The following ASIC2 variants were observed in gnomAD, a reference collection of about 807,000 sequenced individuals.
ASIC2 encodes the protein acid sensing ion channel subunit 2, also known as acid-sensing ion channel 2.
In ASIC2, 25 loss-of-function variants were observed where a neutral mutation model predicts 57.3. That is an observed-to-expected ratio of 0.44 (90% CI 0.32 to 0.61). The LOEUF is 0.61. Ranked by LOEUF, ASIC2 falls within the 20% of genes least tolerant of loss-of-function variation. The probability of loss-of-function intolerance (pLI) is 0.06; values close to 1 mark genes in which losing one functional copy is unlikely to be tolerated. For missense variants in ASIC2, 641 were observed against 738.1 expected, an observed-to-expected ratio of 0.87 and a Z score of 1.52; for synonymous variants, 319 against 307.5, an observed-to-expected ratio of 1.04 and a Z score of -0.39.
chr17:33,729,375 C>T (rs1467724651), intron 1 of ASIC2, among the ~76,000 whole-genome samples: 1 of 152,266 alleles, frequency 6.6e-6, no homozygotes, highest in East Asian at 1.9e-4. Context: ...AAGTACTACC[C>T]CCATGATCCA....
At chr17:33,162,882 C>A (rs1443296741) in intron 1 of ASIC2, among the ~76,000 whole-genome samples, 1 of 152,214 alleles carries the variant, frequency 6.6e-6, no homozygotes, top group African/African-American at 2.4e-5. Context: ...CAACCTGAAG[C>A]ACACTCCTTC....
chr17:33,784,757 G>T (rs1477700380), intron 1 of ASIC2, among the ~76,000 whole-genome samples: 1 of 152,174 alleles, frequency 6.6e-6, no homozygotes, highest in African/African-American at 2.4e-5. Context: ...GTGCTCAAGA[G>T]CCACATGTAG....
At chr17:34,135,884 TA>T (rs1248499581) in intron 1 of ASIC2, among the ~76,000 whole-genome samples, 5 of 151,918 alleles carry the variant, frequency 3.3e-5, no homozygotes, top group Non-Finnish European at 7.4e-5. Flanking sequence ...ATCATTATTC[TA>T]AAAAAAATAA....
intron 3 of ASIC2, among the ~76,000 whole-genome samples, chr17:33,084,073 TGCCA>T (rs74594746): frequency 0.013 from 2,042 of 152,298 alleles, 26 homozygotes; most frequent in Non-Finnish European, 0.019. Context: ...AAGCATCCCA[TGCCA>T]GCTGGCAGAG....
intron 1 of ASIC2, among the ~76,000 whole-genome samples, chr17:33,319,621 C>T (rs1256283016): frequency 6.6e-6 from 1 of 152,176 alleles, no homozygotes; most frequent in African/African-American, 2.4e-5. Context: ...TTCACCACCT[C>T]AAGCATTTAT....
chr17:33,113,013 A>T (rs1027791061), intron 1 of ASIC2, among the ~76,000 whole-genome samples: 2 of 152,000 alleles, frequency 1.3e-5, no homozygotes, highest in African/African-American at 4.8e-5. Context: ...TGGAAGGTAG[A>T]CTCCAGGGGC....
chr17:33,724,154 A>G, intron 1 of ASIC2, among the ~76,000 whole-genome samples: 1 of 152,098 alleles, frequency 6.6e-6, no homozygotes, highest in East Asian at 1.9e-4. Flanking sequence ...CTCGGTTCTC[A>G]TTCTCTCTCT....
intron 1 of ASIC2, among the ~76,000 whole-genome samples, chr17:33,247,331 A>C (rs934835495): frequency 5.3e-5 from 8 of 152,158 alleles, no homozygotes; most frequent in Non-Finnish European, 2.9e-5. Flanking sequence ...AGTTCTTTTT[A>C]GTGTGTTTGA....
At chr17:33,861,339 T>A (rs1230108964) in intron 1 of ASIC2, among the ~76,000 whole-genome samples, 1 of 152,212 alleles carries the variant, frequency 6.6e-6, no homozygotes, top group Admixed American at 6.5e-5. Context: ...ATCACAGCTA[T>A]GGAATAATGC....
chr17:33,085,278 A>G (rs1033995153), intron 3 of ASIC2, among the ~76,000 whole-genome samples: 10 of 152,252 alleles, frequency 6.6e-5, no homozygotes, highest in Non-Finnish European at 7.3e-5. Flanking sequence ...ACCATATACT[A>G]TAAGATGCAC....
chr17:33,392,504 A>G lies in ASIC2; in HGVS notation c.556-280437T>C, dbSNP rs546906888. 6.6e-5 allele frequency among the ~76,000 whole-genome samples: 10 copies of G among 152,130 alleles called. No homozygotes were observed. In the South Asian group the frequency reaches 2.1e-3, roughly 32 times the overall value. ...GGTCACAAACTCCTGAACTCAGGCA[A>G]TCTGCCTGCTTTGGCTTCTCAAAGT... On this transcript the variant is annotated intron_variant, in intron 1 of 9. Coordinates refer to the ASIC2 transcript ENST00000359872.
chr17:34,108,079 C>T (rs941209557), intron 1 of ASIC2, among the ~76,000 whole-genome samples: 1 of 152,018 alleles, frequency 6.6e-6, no homozygotes, highest in Non-Finnish European at 1.5e-5. Flanking sequence ...ATTTGTATCT[C>T]GCTTTTTTTT....
chr17:33,669,029 G>T (rs182497051), intron 1 of ASIC2, among the ~76,000 whole-genome samples: 1 of 152,292 alleles, frequency 6.6e-6, no homozygotes, highest in Non-Finnish European at 1.5e-5. Context: ...CCATGCAAGT[G>T]GTCTAGCATG....
chr17:33,538,835 G>A lies in ASIC2; in HGVS notation c.556-426768C>T, dbSNP rs758996029. 2.6e-5 allele frequency among the ~76,000 whole-genome samples: 4 copies of A among 152,304 alleles called. No individual in the cohort carries two copies. In the South Asian group the frequency reaches 8.3e-4, roughly 32 times the overall value. Reference sequence around the variant, plus strand: ...GAGGATGAGATACTTGGAGGCTCAGGTAGATTTAGAAATAGAACAGTGAAA... The same window carrying A: ...GAGGATGAGATACTTGGAGGCTCAGATAGATTTAGAAATAGAACAGTGAAA... On this transcript the variant is annotated intron_variant, in intron 1 of 9. Coordinates refer to the ASIC2 transcript ENST00000359872.
chr17:34,135,199 G>A (rs1362470874), intron 1 of ASIC2, among the ~76,000 whole-genome samples: 3 of 152,212 alleles, frequency 2.0e-5, no homozygotes, highest in Non-Finnish European at 2.9e-5. Context: ...CCCAGCCAGC[G>A]ATGGCCTGGT....
chr17:33,757,529 A>G (rs1910644397), intron 1 of ASIC2, among the ~76,000 whole-genome samples: 1 of 152,154 alleles, frequency 6.6e-6, no homozygotes, highest in Non-Finnish European at 1.5e-5. Context: ...GAAATTCACA[A>G]GATCTTTGGA....
chr17:33,593,370 A>G lies in ASIC2; in HGVS notation c.556-481303T>C, dbSNP rs185146745. Among the ~76,000 whole-genome samples, 5 of 97,344 alleles carry G rather than the reference A, an allele frequency of 5.1e-5. No individual in the cohort carries two copies. The East Asian group carries it at 1.4e-3, about 26-fold the overall frequency. 63.9% of individuals were successfully genotyped at this position (97,344 alleles called of 152,430 possible). On this transcript the variant is annotated intron_variant, in intron 1 of 9. Transcript: ENST00000359872. ...TCTGGGTCCCCTCATTGGTAAAAAA[A>G]AAAGCACATTGTGGCTAGGTTATCT...
intron 1 of ASIC2, among the ~76,000 whole-genome samples, chr17:33,727,108 T>C (rs565692067): frequency 6.6e-6 from 1 of 152,340 alleles, no homozygotes; most frequent in South Asian, 2.1e-4. Context: ...GCCTGTAATA[T>C]ACTTTGTACT....
chr17:33,959,952 T>C (rs915834685), intron 1 of ASIC2, among the ~76,000 whole-genome samples: 1 of 152,254 alleles, frequency 6.6e-6, no homozygotes, highest in African/African-American at 2.4e-5. Context: ...GTCTCCTTTT[T>C]GTGGCCCACT....
Sources: gnomAD v4.1 joint callset for allele counts (sites outside exome capture counted in the v4.1 genomes callset) on GRCh38, gnomAD v4.1.1 for gene constraint, MANE v1.5 for transcripts, NCBI Gene and HGNC (gene_info 2026-07-23, HGNC 2026-07-21) for gene names.